WDR53: variants seen among roughly 807,000 people sequenced by gnomAD.
The protein encoded by WDR53 is WD repeat domain 53, also known as WD repeat-containing protein 53.
In WDR53, 19 loss-of-function variants were observed where a neutral mutation model predicts 21.3. The ratio of observed to expected loss-of-function variants is 0.89; its 90% CI spans 0.62 to 1.31. The LOEUF is 1.31. Among genes scored for constraint, WDR53 ranks in the 50% most tolerant of loss-of-function variants. The probability of loss-of-function intolerance (pLI) is 0.00; values close to 1 mark genes in which losing one functional copy is unlikely to be tolerated. For synonymous variants in WDR53, 157 were observed against 163.4 expected, an observed-to-expected ratio of 0.96 and a Z score of 0.30; for missense variants, 374 against 423.2, an observed-to-expected ratio of 0.88 and a Z score of 1.02.
chr3:196,566,957 GACA>G lies in WDR53; in HGVS notation c.-100_-98del, dbSNP rs951060942. ...GCGGCTGGACTAGATTAGTAAGAAT[GACA>G]ACATCGCATCCTTCAAAGGCTCTGC... On this transcript the variant is annotated 5_prime_UTR_variant, in exon 2 of 4. Transcript: ENST00000332629. 1 of 256,796 alleles carries G rather than the reference GACA, an allele frequency of 3.9e-6. No homozygotes were observed. 15.9% of individuals were successfully genotyped at this position (256,796 alleles called of 1,614,324 possible).
rs780138099 is a variant in WDR53, at chr3:196,554,678, A to T, written c.610T>A (p.Ser204Thr). ...AAAATATTACCACACGAAGCCACAG[A>T]GATAGAATGGGCTAGGGCAGGGTTT... ...LLNPALAHSISVASCGNIFSC... is the reference protein window; with the variant it reads ...LLNPALAHSITVASCGNIFSC... Residue 204 changes from serine to threonine, a missense_variant, in exon 4 of 4, where the codon TCT becomes ACT. Transcript: ENST00000332629. 2.5e-6 allele frequency: 4 copies of T among 1,614,082 alleles called. No homozygotes were observed. The Admixed American group carries it at 6.7e-5, about 27-fold the overall frequency.
At position 196,567,308 on chromosome 3, in the gene WDR53, C is replaced by T. The variant is rs1420585621; in HGVS notation, c.-4+1211G>A. ...TGATTGAAGGGCTGTGGCGCTGGCA[C>T]TGGTAAGAATGAAAAGAATTAGGGT... On this transcript the variant is annotated intron_variant, in intron 1 of 1. Coordinates refer to the WDR53 transcript ENST00000429115. The T allele has an allele frequency of 2.2e-6, 1 of 451,180 alleles. No individual in the cohort carries two copies. The highest frequency in any genetic ancestry group is 4.5e-6 in the Non-Finnish European group (1 of 224,696). 27.9% of individuals were successfully genotyped at this position (451,180 alleles called of 1,614,324 possible). A position where few individuals can be genotyped will look rare whatever the true frequency, so the allele number is the denominator to read the frequency against.
intron 3 of WDR53, among the ~76,000 whole-genome samples, chr3:196,557,333 G>A (rs1487536111): frequency 3.3e-5 from 5 of 152,200 alleles, no homozygotes; most frequent in African/African-American, 9.7e-5. Flanking sequence ...TTGAGCCCAG[G>A]AGTTCGAGAC....
intron 3 of WDR53, among the ~76,000 whole-genome samples, chr3:196,557,591 G>A (rs1382165741): frequency 6.6e-6 from 1 of 152,104 alleles, no homozygotes; most frequent in African/African-American, 2.4e-5. Flanking sequence ...TAAGTGTTGG[G>A]ATTTTGGTTT....
chr3:196,560,875 T>C, intron 3 of WDR53, 121 bp downstream of exon 3: 1 of 1,256,746 alleles, frequency 8.0e-7, no homozygotes, highest in Non-Finnish European at 1.1e-6. Flanking sequence ...GGCTTATTGT[T>C]CATAAATGGA....
At chr3:196,563,055 G>A (rs1735033473) in intron 2 of WDR53, among the ~76,000 whole-genome samples, 1 of 151,952 alleles carries the variant, frequency 6.6e-6, no homozygotes, top group Non-Finnish European at 1.5e-5. Flanking sequence ...TGTTGCCCAG[G>A]CTCCAAATAT....
intron 3 of WDR53, among the ~76,000 whole-genome samples, chr3:196,556,788 G>A (rs1483876566): frequency 6.6e-6 from 1 of 151,844 alleles, no homozygotes; most frequent in Admixed American, 6.6e-5. Flanking sequence ...TGTATTTTCT[G>A]TCCTCCAAAG....
chr3:196,566,615 T>C (rs1047349659), intron 2 of WDR53, among the ~76,000 whole-genome samples: 5 of 151,468 alleles, frequency 3.3e-5, no homozygotes, highest in Admixed American at 2.6e-4. Context: ...GGTTTCACCA[T>C]GTTGGCCAGG....
At chr3:196,561,544 G>A in intron 2 of WDR53, 53 bp from the exon 3 acceptor site, 2 of 1,490,280 alleles carry the variant, frequency 1.3e-6, no homozygotes, top group Non-Finnish European at 1.8e-6. Flanking sequence ...TCGACTTGAT[G>A]GGAGGAGACA....
At chr3:196,564,605 C>G (rs1392501202) in intron 2 of WDR53, among the ~76,000 whole-genome samples, 1 of 151,974 alleles carries the variant, frequency 6.6e-6, no homozygotes, top group Non-Finnish European at 1.5e-5. Context: ...TCAAGTGATC[C>G]TCCCGTCTCA....
At chr3:196,555,390 T>C (rs1244088047) in intron 3 of WDR53, among the ~76,000 whole-genome samples, 1 of 152,228 alleles carries the variant, frequency 6.6e-6, no homozygotes, top group Non-Finnish European at 1.5e-5. Context: ...AGCTTATCAG[T>C]TTCTTGAGAC....
rs1734147083 is a variant in WDR53 at position 196,554,518 on chromosome 3, A to T, written c.770T>A (p.Leu257His). 1 of 1,613,988 alleles carries T rather than the reference A, an allele frequency of 6.2e-7. No individual in the cohort carries two copies. Among genetic ancestry groups the T allele is most frequent in the African/African-American group, 1.3e-5 (1 of 74,880 alleles). ...GATCTTCCCATCATTCCCTCCAGTA[A>T]GCAGCAAATAGGATTCTGGGAGAAA... ...VCFLPESYLLLTGGNDGKITL... is the reference protein window; with the variant it reads ...VCFLPESYLLHTGGNDGKITL... Residue 257 changes from leucine to histidine, a missense_variant, in exon 4 of 4, where the codon CTT becomes CAT. Coordinates refer to ENST00000332629, the MANE Select transcript of WDR53 (RefSeq NM_182627.3).
rs185676790 is a variant in WDR53 at position 196,563,594 on chromosome 3, C to T, written c.-16-2103G>A. On this transcript the variant is annotated intron_variant, in intron 2 of 3. Coordinates refer to ENST00000332629, the MANE Select transcript of WDR53 (RefSeq NM_182627.3). ...ACAAAGCTTTTTTTTTTTTTTGAGA[C>T]GGAGTCTTGCTCTGTCGCCCAGGTT... Among the ~76,000 whole-genome samples the T allele has an allele frequency of 4.5e-3, 661 of 145,488 alleles. 4 individuals are homozygous for T. The highest frequency in any genetic ancestry group is 0.017 in the African/African-American group (629 of 37,390).
In WDR53 at chr3:196,561,031, G is replaced by A. The variant is rs752642577; in HGVS notation, c.445C>T (p.Pro149Ser). 3 of 1,614,006 alleles carry A rather than the reference G, an allele frequency of 1.9e-6. No homozygotes were observed. Among genetic ancestry groups the A allele is most frequent in the East Asian group, 4.5e-5 (2 of 44,892 alleles). ...AGTCCACATGACACCAGGCTCTGAG[G>A]CCTCTGAGGCCGAAAAGCCACTGAG... ...CSSVAFRPQR[P>S]QSLVSCGLDM... is the part of the protein sequence containing the mutation. Residue 149 changes from proline (P) to serine (S), a missense_variant, in exon 3 of 4, where the codon CCT (proline) becomes TCT (serine). By Grantham distance (74) the Pro-to-Ser change is moderately conservative. Transcript: ENST00000332629.
intron 3 of WDR53, among the ~76,000 whole-genome samples, chr3:196,558,045 G>C (rs1734495482): frequency 6.6e-6 from 1 of 151,908 alleles, no homozygotes; most frequent in Non-Finnish European, 1.5e-5. Context: ...CCAAAGTTCT[G>C]GGATTATAGG....
rs749011326 is a variant in WDR53 at position 196,554,425 on chromosome 3, T to C, written c.863A>G (p.Lys288Arg). 2 of 1,614,210 alleles carry C rather than the reference T, an allele frequency of 1.2e-6. No individual in the cohort carries two copies. Among genetic ancestry groups the C allele is most frequent in the South Asian group, 1.1e-5 (1 of 91,090 alleles). ...GGTGCAAGTTCCTCTTTTAGGTTTC[T>C]TCCTGTGGGTACGTTTTGTGGGACT... ...QKSPTKRTHR[K>R]KPKRGTCTKQ... Residue 288 changes from lysine to arginine, a missense_variant, in exon 4 of 4, where the codon AAG (lysine) becomes AGG (arginine). Transcript: ENST00000332629.
At chr3:196,557,467 G>A (rs1473955860) in intron 3 of WDR53, among the ~76,000 whole-genome samples, 1 of 152,142 alleles carries the variant, frequency 6.6e-6, no homozygotes, top group Non-Finnish European at 1.5e-5. Context: ...GATCACCTGA[G>A]GGAGTGCGAG....
Position 196,561,245 on chromosome 3 carries a change from T to G in WDR53, c.231A>C (p.Val77=), listed in dbSNP as rs1420568536. 1.2e-6 allele frequency: 2 copies of G among 1,614,096 alleles called. No homozygotes were observed. The highest frequency in any genetic ancestry group is 2.7e-5 in the African/African-American group (2 of 74,940). ...LYASHGETIS[V]LDVRSLKDSL... Reference sequence around the variant, plus strand: ...AATCTTTGAGGGACCTGACATCCAGTACACTAATGGTTTCTCCATGTGAGG... The same window carrying G: ...AATCTTTGAGGGACCTGACATCCAGGACACTAATGGTTTCTCCATGTGAGG... The change falls in exon 3 of 4, where the codon GTA becomes GTC. Residue 77 remains valine, a synonymous_variant. Transcript: ENST00000332629.
intron 3 of WDR53, among the ~76,000 whole-genome samples, chr3:196,555,169 T>C (rs1734219476): frequency 6.6e-6 from 1 of 152,226 alleles, no homozygotes; most frequent in South Asian, 2.1e-4. Flanking sequence ...ATGCTGGTTA[T>C]AGGTCAAAAG....
Sources: allele counts gnomAD v4.1 joint callset (sites outside exome capture counted in the v4.1 genomes callset), GRCh38; gene constraint gnomAD v4.1.1; transcripts MANE v1.5; gene names NCBI Gene and HGNC (gene_info 2026-07-23, HGNC 2026-07-21).